The following SPAM1 variants were observed in gnomAD, a reference collection of about 807,000 sequenced individuals.
SPAM1 encodes hyaluronidase PH-20.
Under a neutral mutation model 29.6 loss-of-function variants are expected in SPAM1, and 22 were observed. That is an observed-to-expected ratio of 0.74 (90% CI 0.53 to 1.06). The LOEUF (loss-of-function observed/expected upper bound fraction) is 1.06. SPAM1 is among the 50% of genes least tolerant of loss of function. The probability of loss-of-function intolerance (pLI) is 0.00; values close to 1 mark genes in which losing one functional copy is unlikely to be tolerated. For synonymous variants in SPAM1, 194 were observed against 204.6 expected, an observed-to-expected ratio of 0.95 and a Z score of 0.44; for missense variants, 534 against 604.0, an observed-to-expected ratio of 0.88 and a Z score of 1.21.
chr7:123,936,350 T>C (rs1255814301), intron 1 of SPAM1, among the ~76,000 whole-genome samples: 6 of 152,108 alleles, frequency 3.9e-5, no homozygotes, highest in Non-Finnish European at 8.8e-5. Flanking sequence ...AGGGATGAAG[T>C]CATTAGGATG....
At chr7:123,941,558 G>A (rs892031519) in intron 1 of SPAM1, among the ~76,000 whole-genome samples, 8 of 152,154 alleles carry the variant, frequency 5.3e-5, no homozygotes, top group Non-Finnish European at 1.0e-4. Flanking sequence ...CATGTCTCAG[G>A]TGAGCCTCAG....
intron 1 of SPAM1, among the ~76,000 whole-genome samples, chr7:123,945,100 C>T (rs1808536177): frequency 6.6e-6 from 1 of 151,860 alleles, no homozygotes; most frequent in African/African-American, 2.4e-5. Flanking sequence ...TATTTTAGGA[C>T]AAAAATTTAC....
chr7:123,967,606 G>A (rs1202029658), intron 5 of SPAM1, among the ~76,000 whole-genome samples: 1 of 151,934 alleles, frequency 6.6e-6, no homozygotes, highest in Non-Finnish European at 1.5e-5. Context: ...GTGCATGTGT[G>A]CACATGTGTG....
At chr7:123,951,421 C>T (rs918992701) in intron 2 of SPAM1, among the ~76,000 whole-genome samples, 6 of 152,058 alleles carry the variant, frequency 3.9e-5, no homozygotes, top group Non-Finnish European at 8.8e-5. Context: ...AAAAAGAAGA[C>T]GTTATTCTTG....
At chr7:123,937,394 G>C (rs1009427295) in intron 1 of SPAM1, among the ~76,000 whole-genome samples, 2 of 152,062 alleles carry the variant, frequency 1.3e-5, no homozygotes, top group Non-Finnish European at 2.9e-5. Context: ...AAAGTCAGGA[G>C]ATCGAGACCA....
chr7:123,963,140 A>G (rs1374879525), downstream of SPAM1, among the ~76,000 whole-genome samples: 4 of 151,900 alleles, frequency 2.6e-5, no homozygotes, highest in Non-Finnish European at 2.9e-5. Context: ...AAGGGTATAT[A>G]CATTTTAATT....
chr7:123,960,846 T>C (rs866663358), downstream of SPAM1, among the ~76,000 whole-genome samples: 35 of 152,070 alleles, frequency 2.3e-4, no homozygotes, highest in Middle Eastern at 3.4e-3. Flanking sequence ...CATTTCTTTA[T>C]GTTTAAGCTT....
At chr7:123,927,701 T>C (rs1158324718) in intron 1 of SPAM1, among the ~76,000 whole-genome samples, 1 of 152,132 alleles carries the variant, frequency 6.6e-6, no homozygotes, top group Non-Finnish European at 1.5e-5. Context: ...GCACCCTGTT[T>C]AGTTTGGTTA....
At chr7:123,957,951 T>C (rs1476125097) in intron 4 of SPAM1, among the ~76,000 whole-genome samples, 1 of 152,010 alleles carries the variant, frequency 6.6e-6, no homozygotes, top group Non-Finnish European at 1.5e-5. Context: ...AAAGTTTCTA[T>C]ACTTTCAAGG....
chr7:123,930,307 G>A (rs1808032395), intron 1 of SPAM1, among the ~76,000 whole-genome samples: 1 of 152,048 alleles, frequency 6.6e-6, no homozygotes. Flanking sequence ...GGATCTCCAA[G>A]CATATATCCA....
At position 123,959,564 on chromosome 7, in the gene SPAM1, G is replaced by T; in HGVS notation, c.1125G>T (p.Met375Ile). 6.2e-7 allele frequency: 1 copy of T among 1,613,146 alleles called. No homozygotes were observed. The highest frequency in any genetic ancestry group is 8.5e-7 in the Non-Finnish European group (1 of 1,179,510). Reference protein sequence around the residue: ...YIINVTLAAKMCSQVLCQEQG... With the variant: ...YIINVTLAAKICSQVLCQEQG... ...TCAACGTCACACTAGCAGCCAAAAT[G>T]TGTAGCCAAGTGCTTTGCCAGGAGC... Residue 375 changes from methionine to isoleucine, a missense_variant, in exon 5 of 5, where the codon ATG becomes ATT. By Grantham distance (10) the Met-to-Ile change is conservative. Transcript: ENST00000682466.
chr7:123,959,352 G>T, intron 4 of SPAM1, 132 bp from the exon 5 acceptor site: 1 of 633,282 alleles, frequency 1.6e-6, no homozygotes, highest in Non-Finnish European at 2.7e-6. Context: ...AGGTAAAAAA[G>T]AAATTATCTT....
intron 1 of SPAM1, among the ~76,000 whole-genome samples, chr7:123,926,956 G>T (rs1290165904): frequency 1.3e-5 from 2 of 152,114 alleles, no homozygotes; most frequent in Non-Finnish European, 2.9e-5. Flanking sequence ...AGGAAGGAAA[G>T]AAAACAAAGG....
At position 123,959,714 on chromosome 7, in the gene SPAM1, C is replaced by T. The variant is rs369519196; in HGVS notation, c.1275C>T (p.Asp425=). The change falls in exon 5 of 5, where the codon GAC becomes GAT. Residue 425 remains aspartate (D), a synonymous_variant. Coordinates refer to ENST00000682466, the MANE Select transcript of SPAM1 (RefSeq NM_153189.3). ...TACGTGGAAAACCGACACTTGAAGA[C>T]CTGGAGCAATTTTCTGAAAAATTTT... is the stretch of plus-strand genomic sequence containing the variant. The part of the protein sequence containing the change: ...FTVRGKPTLE[D]LEQFSEKFYC... 6.2e-7 allele frequency: 1 copy of T among 1,613,292 alleles called. No individual in the cohort carries two copies. The highest frequency in any genetic ancestry group is 8.5e-7 in the Non-Finnish European group (1 of 1,179,570).
chr7:123,963,239 A>G (rs976698574), downstream of SPAM1, among the ~76,000 whole-genome samples: 1 of 151,858 alleles, frequency 6.6e-6, no homozygotes, highest in Non-Finnish European at 1.5e-5. Context: ...GTCTTTATAC[A>G]ATTCTGCAGT....
chr7:123,962,551 C>A (rs1010064205), downstream of SPAM1, among the ~76,000 whole-genome samples: 1 of 151,678 alleles, frequency 6.6e-6, no homozygotes, highest in Non-Finnish European at 1.5e-5. Context: ...TTTTTGTTAC[C>A]TGTACTTTCA....
At chr7:123,971,228 A>C (rs1205264595) in exon 7 of SPAM1, 2 of 152,178 alleles carry the variant, frequency 1.3e-5, no homozygotes, top group African/African-American at 2.4e-5. Context: ...TAAGATTATA[A>C]GAAAAATTAT....
At chr7:123,954,561 T>G in intron 3 of SPAM1, 37 bp downstream of exon 3, 3 of 1,329,700 alleles carry the variant, frequency 2.3e-6, no homozygotes. Context: ...GGAAATGAAA[T>G]TCACAAAAGA....
chr7:123,942,775 T>G (rs1299147548), intron 1 of SPAM1, among the ~76,000 whole-genome samples: 1 of 152,152 alleles, frequency 6.6e-6, no homozygotes, highest in African/African-American at 2.4e-5. Context: ...AGATATAAGA[T>G]CAGCTTTCTG....
Sources: gnomAD v4.1 joint callset for allele counts (sites outside exome capture counted in the v4.1 genomes callset) on GRCh38, gnomAD v4.1.1 for gene constraint, MANE v1.5 for transcripts, NCBI Gene and HGNC (gene_info 2026-07-23, HGNC 2026-07-21) for gene names.